RAP1A: variants seen among roughly 807,000 people sequenced by gnomAD.
The protein encoded by RAP1A is RAP1A, member of RAS oncogene family.
A neutral mutation model predicts 26.4 loss-of-function variants in RAP1A; 6 were observed. That is an observed-to-expected ratio of 0.23 (90% CI 0.12 to 0.45). RAP1A has a LOEUF of 0.45. RAP1A is among the 20% of genes least tolerant of loss of function. The probability of loss-of-function intolerance (pLI) is 0.99; values close to 1 mark genes in which losing one functional copy is unlikely to be tolerated. For synonymous variants in RAP1A, 73 were observed against 79.4 expected, an observed-to-expected ratio of 0.92 and a Z score of 0.43; for missense variants, 121 against 217.2, an observed-to-expected ratio of 0.56 and a Z score of 2.78.
chr1:111,608,389 C>G (rs867459904), intron 1 of RAP1A: 7 of 168,898 alleles, frequency 4.1e-5, no homozygotes, highest in African/African-American at 9.7e-5. Context: ...GGATGGCGGC[C>G]GGGCAGAGAC....
chr1:111,623,853 G>C (rs1659303357), intron 1 of RAP1A, among the ~76,000 whole-genome samples: 1 of 149,256 alleles, frequency 6.7e-6, no homozygotes, highest in African/African-American at 2.5e-5. Context: ...TAGGTGGGGA[G>C]CTTTGACATC....
intron 1 of RAP1A, among the ~76,000 whole-genome samples, chr1:111,568,623 G>A (rs1013704801): frequency 1.3e-5 from 2 of 152,118 alleles, no homozygotes; most frequent in Non-Finnish European, 1.5e-5. Flanking sequence ...CATTAGGGAG[G>A]TAGCCTAATA....
At position 111,714,988 on chromosome 1, in the gene RAP1A, G is replaced by C. The variant is rs1662492213; in HGVS notation, c.*2587G>C. On this transcript the variant is annotated 3_prime_UTR_variant, in exon 8 of 8. Coordinates refer to ENST00000369709, the MANE Select transcript of RAP1A (RefSeq NM_002884.4). Reference sequence around the variant, plus strand: ...CATAGTTTGCTCTAATGGCTTGGTGGTATCCCTGAACAGTCTACTTTTAGA... The same window carrying C: ...CATAGTTTGCTCTAATGGCTTGGTGCTATCCCTGAACAGTCTACTTTTAGA... 1 of 152,134 alleles carries C rather than the reference G, an allele frequency of 6.6e-6. No homozygotes were observed. The highest frequency in any genetic ancestry group is 6.5e-5 in the Admixed American group (1 of 15,274). 9.4% of individuals were successfully genotyped at this position (152,134 alleles called of 1,614,324 possible).
intron 1 of RAP1A, among the ~76,000 whole-genome samples, chr1:111,687,785 G>A (rs1661530862): frequency 6.6e-6 from 1 of 152,014 alleles, no homozygotes; most frequent in Non-Finnish European, 1.5e-5. Context: ...AGGCCAAGGT[G>A]GGAGGAGCCT....
At chr1:111,654,692 T>C (rs959111602) in intron 1 of RAP1A, among the ~76,000 whole-genome samples, 4 of 151,712 alleles carry the variant, frequency 2.6e-5, no homozygotes, top group Admixed American at 1.3e-4. Context: ...TTATAGATCA[T>C]GAGAACTGAG....
intron 1 of RAP1A, among the ~76,000 whole-genome samples, chr1:111,593,302 AGCT>A (rs1414814342): frequency 2.0e-5 from 3 of 152,190 alleles, no homozygotes; most frequent in Admixed American, 6.5e-5. Context: ...GTTGCTGCAA[AGCT>A]GCTAATTAGG....
intron 1 of RAP1A, among the ~76,000 whole-genome samples, chr1:111,655,274 AAAAC>A (rs903237147): frequency 1.3e-5 from 2 of 152,100 alleles, no homozygotes; most frequent in Admixed American, 6.5e-5. Flanking sequence ...AACAAAAAAA[AAAAC>A]AACAGAAATT....
chr1:111,704,076 A>G (rs185115494), intron 5 of RAP1A, among the ~76,000 whole-genome samples: 2 of 151,912 alleles, frequency 1.3e-5, no homozygotes, highest in African/African-American at 4.8e-5. Flanking sequence ...GATTACAGGC[A>G]TGAACCATTG....
chr1:111,683,850 CA>C (rs1661381743), intron 1 of RAP1A, among the ~76,000 whole-genome samples: 2 of 152,236 alleles, frequency 1.3e-5, no homozygotes, highest in African/African-American at 4.8e-5. Context: ...CTGGCAGAGA[CA>C]CAACAAAAAA....
At chr1:111,662,580 A>T (rs535145790) in intron 1 of RAP1A, among the ~76,000 whole-genome samples, 17 of 152,156 alleles carry the variant, frequency 1.1e-4, no homozygotes, top group Non-Finnish European at 2.4e-4. Context: ...CACTCTGGCC[A>T]TACTAAGAGA....
At chr1:111,683,439 A>G (rs1298609377) in intron 1 of RAP1A, among the ~76,000 whole-genome samples, 2 of 152,186 alleles carry the variant, frequency 1.3e-5, no homozygotes, top group Admixed American at 6.5e-5. Flanking sequence ...AAAGAAGGAA[A>G]GAGAAGAATC....
intron 4 of RAP1A, among the ~76,000 whole-genome samples, chr1:111,699,463 CTTT>C (rs11435540): frequency 5.0e-4 from 62 of 124,156 alleles, no homozygotes; most frequent in Non-Finnish European, 7.9e-4. Flanking sequence ...CTCACTTCCT[CTTT>C]TTTTTTTTTT....
chr1:111,568,368 A>G lies in RAP1A; in HGVS notation c.-28+25859A>G, dbSNP rs116398264. 4.0e-3 allele frequency among the ~76,000 whole-genome samples: 607 copies of G among 152,180 alleles called. 2 individuals are homozygous for G. The highest frequency in any genetic ancestry group is 0.014 in the African/African-American group (561 of 41,520). On this transcript the variant is annotated intron_variant, in intron 1 of 7. Coordinates refer to the RAP1A transcript ENST00000356415. ...AGGCAGGTCACATGGCCAGTGAGGAACCCACACGTGGTGGGGAGGAGGGCA... is the reference window on the plus strand; with the variant it reads ...AGGCAGGTCACATGGCCAGTGAGGAGCCCACACGTGGTGGGGAGGAGGGCA...
At chr1:111,640,395 A>G (rs1442985751) in intron 1 of RAP1A, among the ~76,000 whole-genome samples, 1 of 152,180 alleles carries the variant, frequency 6.6e-6, no homozygotes, top group South Asian at 2.1e-4. Flanking sequence ...TCCTCACTAA[A>G]TATTGTGATA....
At position 111,714,913 on chromosome 1, in the gene RAP1A, G is replaced by A. The variant is rs1250303206; in HGVS notation, c.*2512G>A. The A allele has an allele frequency of 6.6e-6, 1 of 152,128 alleles. No homozygotes were observed. Among genetic ancestry groups the A allele is most frequent in the East Asian group, 1.9e-4 (1 of 5,196 alleles). 9.4% of individuals were successfully genotyped at this position (152,128 alleles called of 1,614,324 possible). A position where few individuals can be genotyped will look rare whatever the true frequency, so the allele number is the denominator to read the frequency against. ...GGCTATTTAAAGTATAATGACTTTGGTTTGGTTATATGAGTGACACAGAAT... is the reference window on the plus strand; with the variant it reads ...GGCTATTTAAAGTATAATGACTTTGATTTGGTTATATGAGTGACACAGAAT... On this transcript the variant is annotated 3_prime_UTR_variant, in exon 8 of 8. Coordinates refer to ENST00000369709, the MANE Select transcript of RAP1A (RefSeq NM_002884.4).
At chr1:111,643,757 CAG>C (rs1238892136) in intron 1 of RAP1A, among the ~76,000 whole-genome samples, 2 of 151,278 alleles carry the variant, frequency 1.3e-5, no homozygotes, top group African/African-American at 4.9e-5. Context: ...GGTCTTCTCT[CAG>C]AGAACTGGGC....
chr1:111,594,478 C>CGGAAGGAAGGAA (rs10633362), intron 1 of RAP1A, among the ~76,000 whole-genome samples: 8 of 133,504 alleles, frequency 6.0e-5, no homozygotes, highest in Non-Finnish European at 1.2e-4. Context: ...AGACAAAAAA[C>CGGAAGGAAGGAA]GGAAGGAAGG....
At chr1:111,582,129 G>A (rs1337039673) in intron 1 of RAP1A, among the ~76,000 whole-genome samples, 1 of 152,184 alleles carries the variant, frequency 6.6e-6, no homozygotes, top group African/African-American at 2.4e-5. Context: ...CTTGAATGAT[G>A]AGCAGGAATT....
At chr1:111,588,685 G>C (rs1658422870) in intron 1 of RAP1A, among the ~76,000 whole-genome samples, 1 of 152,126 alleles carries the variant, frequency 6.6e-6, no homozygotes, top group Non-Finnish European at 1.5e-5. Flanking sequence ...TCCCTCTCAA[G>C]CATCTTTTCC....
Sources: allele counts gnomAD v4.1 joint callset (sites outside exome capture counted in the v4.1 genomes callset), GRCh38; gene constraint gnomAD v4.1.1; transcripts MANE v1.5; gene names NCBI Gene and HGNC (gene_info 2026-07-23, HGNC 2026-07-21).